GAS7: variants seen among roughly 807,000 people sequenced by gnomAD.
GAS7 encodes the protein growth arrest-specific protein 7.
Under a neutral mutation model 71.1 loss-of-function variants are expected in GAS7, and 28 were observed. That is an observed-to-expected ratio of 0.39 (90% CI 0.29 to 0.54). The LOEUF (loss-of-function observed/expected upper bound fraction) is 0.54. Among genes scored for constraint, GAS7 ranks in the 20% least tolerant of loss-of-function variants. The pLI is 0.62. For synonymous variants in GAS7, 258 were observed against 245.8 expected (o/e 1.05, Z -0.46); for missense variants, 436 against 627.8 (o/e 0.69, Z 3.27).
At chr17:9,950,186 T>C (rs2068950321) in intron 5 of GAS7, among the ~76,000 whole-genome samples, 1 of 152,018 alleles carries the variant, frequency 6.6e-6, no homozygotes, top group Non-Finnish European at 1.5e-5. Flanking sequence ...TCAAAATGTG[T>C]AACTTCTAAG....
rs11867773 is a variant in GAS7, at chr17:10,015,326, G to A, written c.304+4451C>T. ...GGATTAAGGGAGAAAGACTAGAAGC[G>A]TCTGGAAGAAAGGTAGACAGACAAA... On this transcript the variant is annotated intron_variant, in intron 2 of 13. Transcript: ENST00000432992. Among the ~76,000 whole-genome samples the A allele has an allele frequency of 3.6e-4, 55 of 152,172 alleles. 1 individual carries two copies. Among genetic ancestry groups the A allele is most frequent in the African/African-American group, 8.0e-4 (33 of 41,438 alleles).
intron 8 of GAS7, among the ~76,000 whole-genome samples, chr17:9,936,761 G>A (rs1597483734): frequency 6.6e-6 from 1 of 152,156 alleles, no homozygotes; most frequent in African/African-American, 2.4e-5. Context: ...ACAGTTTCAG[G>A]TACGCCAAAT....
rs983747737 is a variant in GAS7 at position 10,037,244 on chromosome 17, G to C, written c.184-17347C>G. Among the ~76,000 whole-genome samples the C allele has an allele frequency of 7.9e-5, 12 of 152,354 alleles. No individual in the cohort carries two copies. In the East Asian group the frequency reaches 2.3e-3, roughly 29 times the overall value. On this transcript the variant is annotated intron_variant, in intron 1 of 13. Transcript: ENST00000432992. ...CACAAAGTCATTAGTTACAAGTGGA[G>C]AAAGGATTGGACCCCAAGAGCAATA... is the stretch of plus-strand genomic sequence containing the variant.
chr17:10,035,065 A>T (rs2072714402), intron 1 of GAS7, among the ~76,000 whole-genome samples: 2 of 152,118 alleles, frequency 1.3e-5, no homozygotes, highest in African/African-American at 4.8e-5. Flanking sequence ...GCCCACCAAC[A>T]GCCTCTGCAC....
At chr17:10,063,058 T>C (rs2073236747) in intron 1 of GAS7, among the ~76,000 whole-genome samples, 1 of 152,252 alleles carries the variant, frequency 6.6e-6, no homozygotes, top group African/African-American at 2.4e-5. Context: ...CCTCGCTCTG[T>C]GCTCCCACTT....
intron 1 of GAS7, among the ~76,000 whole-genome samples, chr17:10,098,506 A>G (rs556495270): frequency 1.3e-5 from 2 of 152,370 alleles, no homozygotes; most frequent in East Asian, 3.9e-4. Flanking sequence ...TTTGTTTGCC[A>G]AAGGTGGGTC....
chr17:10,089,304 T>C (rs898896367), intron 1 of GAS7, among the ~76,000 whole-genome samples: 1 of 152,204 alleles, frequency 6.6e-6, no homozygotes, highest in Non-Finnish European at 1.5e-5. Context: ...CAGGGTGAAC[T>C]GGAGACCTCT....
At chr17:10,145,698 C>T (rs1288197295) in intron 1 of GAS7, among the ~76,000 whole-genome samples, 2 of 152,162 alleles carry the variant, frequency 1.3e-5, no homozygotes, top group African/African-American at 4.8e-5. Flanking sequence ...GACAGTATAG[C>T]TGGGCCAGGT....
At chr17:10,183,577 C>T (rs1478624866) in intron 1 of GAS7, among the ~76,000 whole-genome samples, 3 of 152,178 alleles carry the variant, frequency 2.0e-5, no homozygotes, top group East Asian at 1.9e-4. Context: ...CGGTGGCTCA[C>T]GCCTGTAATC....
In GAS7 at chr17:9,974,286, T is replaced by C. The variant is rs1471048919; in HGVS notation, c.386-4524A>G. Among the ~76,000 whole-genome samples the C allele has an allele frequency of 1.3e-5, 2 of 152,138 alleles. No homozygotes were observed. The highest frequency in any genetic ancestry group is 2.9e-5 in the Non-Finnish European group (2 of 68,020). On this transcript the variant is annotated intron_variant, in intron 3 of 13. Transcript: ENST00000432992. This position sits in a 1 kb window ranked among gnomAD's most constrained non-coding sequence, Gnocchi z 4.0. Reference sequence around the variant, plus strand: ...CTCCCGGGCACATTCAGAATACGTCTCAGTGGAGATCTAGACAGTTATAGC... The same window carrying C: ...CTCCCGGGCACATTCAGAATACGTCCCAGTGGAGATCTAGACAGTTATAGC...
intron 2 of GAS7, among the ~76,000 whole-genome samples, chr17:10,016,282 G>A (rs2071995078): frequency 1.3e-5 from 2 of 151,780 alleles, no homozygotes; most frequent in South Asian, 4.2e-4. Flanking sequence ...ATACTTGGGA[G>A]GCTGAGGCAG....
chr17:10,108,872 A>G lies in GAS7; in HGVS notation c.184-88975T>C, dbSNP rs77034709. The stretch of plus-strand genomic sequence containing the variant: ...GACTTAAACTAAGGCTCGAAACTAT[A>G]AAACTACTAGAAAGAACACTTCAGG... On this transcript the variant is annotated intron_variant, in intron 1 of 13. Transcript: ENST00000432992. Among the ~76,000 whole-genome samples the G allele has an allele frequency of 3.6e-3, 551 of 152,332 alleles. 1 individual carries two copies. Among genetic ancestry groups the G allele is most frequent in the African/African-American group, 0.013 (525 of 41,574 alleles).
At chr17:10,073,621 A>C (rs1329914481) in intron 1 of GAS7, among the ~76,000 whole-genome samples, 1 of 152,206 alleles carries the variant, frequency 6.6e-6, no homozygotes, top group Non-Finnish European at 1.5e-5. Flanking sequence ...CAAGTGCTTC[A>C]GGTGAATCGT....
In GAS7 at chr17:10,135,002, C is replaced by A. The variant is rs550716538; in HGVS notation, c.183+63206G>T. On this transcript the variant is annotated intron_variant, in intron 1 of 13. Coordinates refer to ENST00000432992, the MANE Select transcript of GAS7 (RefSeq NM_201433.2). ...TGCGTGCCACCACGCCCGGGTAATT[C>A]TTGTATTTTTAGTAGAGACGGGGTT... Among the ~76,000 whole-genome samples, 8 of 151,838 alleles carry A rather than the reference C, an allele frequency of 5.3e-5. No homozygotes were observed. The East Asian group carries it at 1.6e-3, about 30-fold the overall frequency.
chr17:10,198,137 C>T (rs775636319), intron 1 of GAS7, 71 bp downstream of exon 1: 49 of 1,457,662 alleles, frequency 3.4e-5, no homozygotes, highest in Non-Finnish European at 4.2e-5. Context: ...ATCCCCGGAA[C>T]GGGCAACAGG....
chr17:10,089,983 C>A (rs12600556), intron 1 of GAS7, among the ~76,000 whole-genome samples: 14,967 of 152,138 alleles, frequency 0.098, 947 homozygotes, highest in East Asian at 0.21. Context: ...GCCCGGCCAA[C>A]ATGGTGAAAC....
chr17:10,101,024 C>T (rs2073693402), intron 1 of GAS7, among the ~76,000 whole-genome samples: 1 of 152,140 alleles, frequency 6.6e-6, no homozygotes, highest in African/African-American at 2.4e-5. Context: ...ATCCCAGCTA[C>T]TCGGAAGGCT....
chr17:10,191,224 G>A (rs1176200667), intron 1 of GAS7, among the ~76,000 whole-genome samples: 1 of 151,504 alleles, frequency 6.6e-6, no homozygotes, highest in Non-Finnish European at 1.5e-5. Flanking sequence ...CCCATTCAAA[G>A]GCCATCCTGG....
At chr17:10,144,127 C>G (rs889356539) in intron 1 of GAS7, among the ~76,000 whole-genome samples, 2 of 41,868 alleles carry the variant, frequency 4.8e-5, no homozygotes, top group Non-Finnish European at 1.2e-4. Context: ...GATGTGATTG[C>G]AGGAGACTCT....
Sources: allele counts gnomAD v4.1 joint callset (sites outside exome capture counted in the v4.1 genomes callset), GRCh38; gene constraint gnomAD v4.1.1; non-coding constraint Gnocchi (gnomAD v3.1); transcripts MANE v1.5; gene names NCBI Gene and HGNC (gene_info 2026-07-23, HGNC 2026-07-21).